GUCY1A2: variants seen among roughly 807,000 people sequenced by gnomAD.
GUCY1A2 encodes the protein guanylate cyclase soluble subunit alpha-2.
GUCY1A2 carries 27 observed loss-of-function variants against 63.5 expected under a neutral mutation model. The observed-to-expected ratio is 0.43, with a 90% CI of 0.31 to 0.59. The LOEUF (loss-of-function observed/expected upper bound fraction) is 0.59, where lower values mean the gene tolerates loss of function less well. Ranked by LOEUF, GUCY1A2 falls within the 20% of genes least tolerant of loss-of-function variation. The pLI is 0.11. For missense variants in GUCY1A2, 768 were observed against 913.3 expected (o/e 0.84, Z 2.05); for synonymous variants, 364 against 343.5 (o/e 1.06, Z -0.66).
At chr11:106,787,602 A>AGGGGGAGGGGGGAGGGGG (rs1565289927) in intron 5 of GUCY1A2, among the ~76,000 whole-genome samples, 1 of 39,964 alleles carries the variant, frequency 2.5e-5, no homozygotes, top group African/African-American at 9.7e-5. Context: ...GGGAAGGGAA[A>AGGGGGAGGGGGGAGGGGG]AAGAGAAAGA....
intron 4 of GUCY1A2, among the ~76,000 whole-genome samples, chr11:106,856,062 A>C (rs1415173335): frequency 6.6e-6 from 1 of 151,508 alleles, no homozygotes; most frequent in Non-Finnish European, 1.5e-5. Context: ...AGTAGCTGGG[A>C]CTACAGACAT....
intron 2 of GUCY1A2, among the ~76,000 whole-genome samples, chr11:106,982,009 T>TTATGTGATTA (rs1861343024): frequency 1.3e-5 from 2 of 152,306 alleles, no homozygotes; most frequent in South Asian, 4.1e-4. Flanking sequence ...GCTAACTACT[T>TTATGTGATTA]TATGTGATTA....
intron 6 of GUCY1A2, chr11:106,746,518 G>T: frequency 8.4e-7 from 1 of 1,196,036 alleles, no homozygotes; most frequent in African/African-American, 1.5e-5. Context: ...TGTATCCTCT[G>T]TTTTCCTTCT....
At chr11:106,876,212 G>T (rs1565317412) in intron 4 of GUCY1A2, among the ~76,000 whole-genome samples, 1 of 151,912 alleles carries the variant, frequency 6.6e-6, no homozygotes, top group Non-Finnish European at 1.5e-5. Context: ...GAACACATAA[G>T]ATTTCTCTGA....
intron 4 of GUCY1A2, among the ~76,000 whole-genome samples, chr11:106,816,763 G>C (rs1858837712): frequency 6.6e-6 from 1 of 151,430 alleles, no homozygotes; most frequent in South Asian, 2.1e-4. Flanking sequence ...GAACAAGATA[G>C]GGGTTATCAC....
intron 4 of GUCY1A2, among the ~76,000 whole-genome samples, chr11:106,913,984 A>AG (rs1860331672): frequency 7.0e-6 from 1 of 142,798 alleles, no homozygotes; most frequent in Non-Finnish European, 1.5e-5. Flanking sequence ...GTAATGAAAA[A>AG]GCAAAAAAAA....
intron 4 of GUCY1A2, among the ~76,000 whole-genome samples, chr11:106,851,876 T>G (rs1241662786): frequency 6.6e-6 from 1 of 152,030 alleles, no homozygotes; most frequent in African/African-American, 2.4e-5. Flanking sequence ...TTTTTTCAAA[T>G]TCTGTAAAGA....
chr11:106,961,285 A>G (rs1050236791), intron 3 of GUCY1A2, among the ~76,000 whole-genome samples: 4 of 151,998 alleles, frequency 2.6e-5, no homozygotes, highest in African/African-American at 9.7e-5. Context: ...AGGAATGTTA[A>G]AAACACAAGC....
At chr11:106,956,543 T>G (rs181812751) in intron 3 of GUCY1A2, among the ~76,000 whole-genome samples, 57 of 152,216 alleles carry the variant, frequency 3.7e-4, no homozygotes, top group Middle Eastern at 6.8e-3. Flanking sequence ...CCCTCTTCTG[T>G]AGGACTGCTG....
intron 6 of GUCY1A2, among the ~76,000 whole-genome samples, chr11:106,755,620 G>C (rs1241481609): frequency 1.3e-5 from 2 of 152,196 alleles, no homozygotes; most frequent in African/African-American, 2.4e-5. Flanking sequence ...TAGTCATTCA[G>C]GAGCAGGTTG....
intron 5 of GUCY1A2, among the ~76,000 whole-genome samples, chr11:106,800,919 C>G (rs1279967772): frequency 6.6e-6 from 1 of 151,742 alleles, no homozygotes; most frequent in African/African-American, 2.4e-5. Context: ...ATCAGGGGAC[C>G]TACTGAAAGT....
rs748920637 is a variant in GUCY1A2, at chr11:106,810,154, G to T, written c.1531C>A (p.Gln511Lys). 6.2e-7 allele frequency: 1 copy of T among 1,613,802 alleles called. No individual in the cohort carries two copies. Among genetic ancestry groups the T allele is most frequent in the East Asian group, 2.2e-5 (1 of 44,874 alleles). Residue 511 changes from glutamine to lysine, a missense_variant, in exon 5 of 8, where the codon CAA (glutamine) becomes AAA (lysine). Gln to Lys is a moderately conservative substitution (Grantham distance 53). Around this residue, in one of 3 missense-constraint regions of GUCY1A2, gnomAD observed 122 missense variants for 238.1 expected, o/e 0.51. Transcript: ENST00000526355. The part of the protein sequence containing the change: ...DVAQQLWQGQ[Q>K]VQARKFDDVT... ...TCATCAAACTTTCTGGCCTGTACTT[G>T]CTGCCCTTGCCATAATTGCTGGGCT...
intron 5 of GUCY1A2, among the ~76,000 whole-genome samples, chr11:106,779,357 A>T (rs919529999): frequency 6.6e-6 from 1 of 152,250 alleles, no homozygotes; most frequent in African/African-American, 2.4e-5. Flanking sequence ...AAGAATAAAC[A>T]TCTAAAATGT....
chr11:106,772,700 G>A (rs907954839), intron 6 of GUCY1A2, among the ~76,000 whole-genome samples: 3 of 151,830 alleles, frequency 2.0e-5, no homozygotes, highest in South Asian at 2.1e-4. Context: ...TTTTGTTCTC[G>A]GGTAATTTAA....
At position 106,994,694 on chromosome 11, in the gene GUCY1A2, C is replaced by T. The variant is rs555176354; in HGVS notation, c.304-8563G>A. 3.9e-5 allele frequency among the ~76,000 whole-genome samples: 6 copies of T among 152,292 alleles called. No individual in the cohort carries two copies. The South Asian group carries it at 1.0e-3, about 26-fold the overall frequency. On this transcript the variant is annotated intron_variant, in intron 1 of 7. Coordinates refer to ENST00000526355, the MANE Select transcript of GUCY1A2 (RefSeq NM_000855.3). ...CCTCAGCTACAGAACTGGAAAGGAA[C>T]ACCATCAAGACCAGGTCGTGGGTCT...
chr11:106,936,945 T>A (rs1199997843), intron 4 of GUCY1A2, among the ~76,000 whole-genome samples: 2 of 152,218 alleles, frequency 1.3e-5, no homozygotes, highest in African/African-American at 4.8e-5. Context: ...AAGTCAAATT[T>A]ATCAACAAAA....
At chr11:106,875,262 G>A (rs965746111) in intron 4 of GUCY1A2, among the ~76,000 whole-genome samples, 1 of 152,082 alleles carries the variant, frequency 6.6e-6, no homozygotes, top group Non-Finnish European at 1.5e-5. Flanking sequence ...GCAGCTGAAG[G>A]GGAAAACTCA....
chr11:106,915,205 A>G (rs1174736159), intron 4 of GUCY1A2, among the ~76,000 whole-genome samples: 1 of 152,084 alleles, frequency 6.6e-6, no homozygotes, highest in Non-Finnish European at 1.5e-5. Flanking sequence ...AAAATATTGT[A>G]TTTTCCTTGT....
At chr11:106,757,372 C>A (rs1201426760) in intron 6 of GUCY1A2, among the ~76,000 whole-genome samples, 1 of 152,214 alleles carries the variant, frequency 6.6e-6, no homozygotes, top group Admixed American at 6.5e-5. Flanking sequence ...AACTCATTCT[C>A]CATCCAGTTT....
Sources: gnomAD v4.1 joint callset for allele counts (sites outside exome capture counted in the v4.1 genomes callset) on GRCh38, gnomAD v4.1.1 for gene constraint, gnomAD v4.1.1 regional missense constraint, MANE v1.5 for transcripts, NCBI Gene and HGNC (gene_info 2026-07-23, HGNC 2026-07-21) for gene names.